Variants in INPP5A observed in about 807,000 individuals in gnomAD.
INPP5A encodes 43 kDa inositol polyphosphate 5-phophatase.
Under a neutral mutation model 65.2 loss-of-function variants are expected in INPP5A, and 14 were observed. That is an observed-to-expected ratio of 0.21 (90% CI 0.14 to 0.34). The LOEUF (loss-of-function observed/expected upper bound fraction) is 0.34, where lower values mean the gene tolerates loss of function less well. INPP5A is among the 10% of genes least tolerant of loss of function. The pLI is 1.00. For synonymous variants in INPP5A, 207 were observed against 208.3 expected (o/e 0.99, Z 0.05); for missense variants, 431 against 545.6 (o/e 0.79, Z 2.09).
chr10:132,710,725 G>A (rs1205259099), intron 8 of INPP5A, among the ~76,000 whole-genome samples: 1 of 151,070 alleles, frequency 6.6e-6, no homozygotes, highest in Non-Finnish European at 1.5e-5. Context: ...GGGCAGGTAG[G>A]TGTGAGTGGA....
rs1400501346 is a variant in INPP5A, at chr10:132,698,066, A to T, written c.474+147A>T. On this transcript the variant is annotated intron_variant, in intron 6 of 15. Coordinates refer to ENST00000368594, the MANE Select transcript of INPP5A (RefSeq NM_005539.5). The surrounding 1 kb of genome is among the most constrained non-coding windows in gnomAD (Gnocchi z 5.5). ...CGATAATCTGTCTTCCTGGGAGTCC[A>T]GGCTTCTGTGGTTGGTCTGGGCTGT... is the stretch of plus-strand genomic sequence containing the variant. The T allele has an allele frequency of 1.5e-6, 1 of 651,698 alleles. No homozygotes were observed. The highest frequency in any genetic ancestry group is 2.8e-6 in the Non-Finnish European group (1 of 357,676). The allele number at this position is 651,698 out of a possible 1,614,324, so 40.4% of individuals were successfully genotyped here. A position where few individuals can be genotyped will look rare whatever the true frequency, so the allele number is the denominator to read the frequency against.
intron 11 of INPP5A, among the ~76,000 whole-genome samples, chr10:132,755,610 GA>G (rs1217187190): frequency 2.0e-5 from 3 of 151,074 alleles, no homozygotes; most frequent in East Asian, 3.9e-4. Flanking sequence ...GCATATGAGT[GA>G]GTGGGTGTGT....
intron 1 of INPP5A, among the ~76,000 whole-genome samples, chr10:132,565,549 G>GTA (rs1465156432): frequency 6.6e-6 from 1 of 152,192 alleles, no homozygotes; most frequent in African/African-American, 2.4e-5. Context: ...CTGTGTGTGT[G>GTA]TATATATGTA....
intron 6 of INPP5A, 64 bp from the exon 7 acceptor site, chr10:132,708,249 G>A (rs910066131): frequency 1.2e-5 from 17 of 1,438,668 alleles, no homozygotes; most frequent in South Asian, 5.8e-5. Flanking sequence ...TTAGGTGTGT[G>A]GGACCCACGT....
intron 2 of INPP5A, among the ~76,000 whole-genome samples, chr10:132,615,551 G>T (rs978806722): frequency 6.6e-6 from 1 of 151,966 alleles, no homozygotes; most frequent in Non-Finnish European, 1.5e-5. Context: ...AGTTCACTGC[G>T]CTTGGTTTGA....
rs148671884 is a variant in INPP5A, at chr10:132,689,289, T to C, written c.307-1103T>C. Reference sequence around the variant, plus strand: ...AAGGCCCTGTGTGACCTGGTAACGGTTGGGCTCCCTGCAGGCAGCCCCTGC... The same window carrying C: ...AAGGCCCTGTGTGACCTGGTAACGGCTGGGCTCCCTGCAGGCAGCCCCTGC... On this transcript the variant is annotated intron_variant, in intron 4 of 15. Coordinates refer to ENST00000368594, the MANE Select transcript of INPP5A (RefSeq NM_005539.5). 5.9e-3 allele frequency among the ~76,000 whole-genome samples: 904 copies of C among 152,282 alleles called. 11 individuals are homozygous for C. Among genetic ancestry groups the C allele is most frequent in the African/African-American group, 0.021 (861 of 41,566 alleles).
chr10:132,691,067 G>T (rs1010551485), intron 5 of INPP5A, among the ~76,000 whole-genome samples: 9 of 152,242 alleles, frequency 5.9e-5, no homozygotes, highest in Admixed American at 4.6e-4. Context: ...CGGAGCAGAT[G>T]ACATCCATGT....
chr10:132,606,216 A>G (rs566448301), intron 1 of INPP5A, among the ~76,000 whole-genome samples: 115 of 150,992 alleles, frequency 7.6e-4, no homozygotes, highest in African/African-American at 2.7e-3. Flanking sequence ...GAGGCTGTCC[A>G]CGTGGGCTGA....
At chr10:132,700,042 C>T (rs530263385) in intron 6 of INPP5A, among the ~76,000 whole-genome samples, 3 of 152,166 alleles carry the variant, frequency 2.0e-5, no homozygotes, top group Non-Finnish European at 4.4e-5. Flanking sequence ...TGGCATGGGT[C>T]TGTGGAGGGC....
Position 132,538,008 on chromosome 10 carries a change from C to A in INPP5A, c.-89C>A. The A allele has an allele frequency of 5.4e-6, 3 of 554,742 alleles. No individual in the cohort carries two copies. The highest frequency in any genetic ancestry group is 6.8e-6 in the Non-Finnish European group (3 of 438,624). The allele number at this position is 554,742 out of a possible 1,614,324, so 34.4% of individuals were successfully genotyped here. A position where few individuals can be genotyped will look rare whatever the true frequency, so the allele number is the denominator to read the frequency against. ...GCCCCCCGGCGCAGCTGACGCCCCG[C>A]GGCCCCGCGAAGACCCCGGCCGGCC... On this transcript the variant is annotated 5_prime_UTR_variant, in exon 1 of 16. Coordinates refer to ENST00000368594, the MANE Select transcript of INPP5A (RefSeq NM_005539.5). This position sits in a 1 kb window ranked among gnomAD's most constrained non-coding sequence, Gnocchi z 4.1.
At chr10:132,635,248 G>A (rs1590883881) in intron 2 of INPP5A, among the ~76,000 whole-genome samples, 1 of 151,980 alleles carries the variant, frequency 6.6e-6, no homozygotes, top group South Asian at 2.1e-4. Context: ...GGTTGAATTG[G>A]GGTCTGCCAT....
chr10:132,731,920 C>A (rs148559372), intron 9 of INPP5A, among the ~76,000 whole-genome samples: 185 of 152,336 alleles, frequency 1.2e-3, no homozygotes, highest in African/African-American at 4.2e-3. Flanking sequence ...CTTCAACAGA[C>A]GTAGATGCCA....
chr10:132,719,849 T>C (rs1262321692), intron 8 of INPP5A, among the ~76,000 whole-genome samples: 1 of 150,584 alleles, frequency 6.6e-6, no homozygotes, highest in Non-Finnish European at 1.5e-5. Flanking sequence ...CAGGGTTCTG[T>C]GGTACCTCGG....
At chr10:132,617,026 G>A (rs1002163786) in intron 2 of INPP5A, among the ~76,000 whole-genome samples, 7 of 152,074 alleles carry the variant, frequency 4.6e-5, no homozygotes, top group Non-Finnish European at 8.8e-5. Context: ...CTGCAGCTTC[G>A]GCATCATGTC....
chr10:132,567,980 C>T (rs915250601), intron 1 of INPP5A, among the ~76,000 whole-genome samples: 3 of 152,008 alleles, frequency 2.0e-5, no homozygotes, highest in Non-Finnish European at 4.4e-5. Flanking sequence ...ATCATGAGGT[C>T]AAGAGATCAA....
chr10:132,634,743 C>T (rs1255337445), intron 2 of INPP5A, among the ~76,000 whole-genome samples: 1 of 152,252 alleles, frequency 6.6e-6, no homozygotes, highest in Non-Finnish European at 1.5e-5. Flanking sequence ...GAATGTTCTT[C>T]TTCGTCTCCT....
intron 3 of INPP5A, among the ~76,000 whole-genome samples, chr10:132,646,664 C>G (rs1431637931): frequency 1.3e-5 from 2 of 152,248 alleles, no homozygotes; most frequent in Non-Finnish European, 2.9e-5. Flanking sequence ...GGGGGCTCGT[C>G]TCCACCTCCA....
At chr10:132,729,255 C>T (rs1360174672) in intron 9 of INPP5A, among the ~76,000 whole-genome samples, 1 of 152,176 alleles carries the variant, frequency 6.6e-6, no homozygotes, top group Non-Finnish European at 1.5e-5. Flanking sequence ...CCTCGGGAGC[C>T]GGCCTGAGTC....
At chr10:132,586,117 C>A (rs745317545) in intron 1 of INPP5A, among the ~76,000 whole-genome samples, 1 of 152,112 alleles carries the variant, frequency 6.6e-6, no homozygotes, top group African/African-American at 2.4e-5. Context: ...CTCTGGAGAC[C>A]CGGGCAGAGA....
Sources: gnomAD v4.1 joint callset for allele counts (sites outside exome capture counted in the v4.1 genomes callset) on GRCh38, gnomAD v4.1.1 for gene constraint, Gnocchi (gnomAD v3.1) non-coding constraint, MANE v1.5 for transcripts, NCBI Gene and HGNC (gene_info 2026-07-23, HGNC 2026-07-21) for gene names.